Variants in CCR3 observed in about 807,000 individuals in gnomAD.
The protein encoded by CCR3 is C-C chemokine receptor type 3.
For synonymous variants in CCR3, 203 were observed against 179.2 expected (o/e 1.13, Z -1.06); for missense variants, 419 against 437.5 (o/e 0.96, Z 0.38).
At chr3:46,246,957 A>G (rs1448257038) in intron 1 of CCR3, among the ~76,000 whole-genome samples, 1 of 152,020 alleles carries the variant, frequency 6.6e-6, no homozygotes, top group Non-Finnish European at 1.5e-5. Flanking sequence ...TTTGTCGTAT[A>G]GAATGATTGG....
chr3:46,247,084 G>T lies in CCR3; in HGVS notation c.-12+4546G>T, dbSNP rs189385411. Among the ~76,000 whole-genome samples the T allele has an allele frequency of 1.8e-4, 28 of 152,250 alleles. 1 individual carries two copies. The Middle Eastern group carries it at 0.01, about 55-fold the overall frequency. On this transcript the variant is annotated intron_variant, in intron 1 of 1. Transcript: ENST00000395940. ...GACCTAGGACATCTGATTAGAGAGTGCCTAAGGAGATTCAGCATAGTCCTG... is the reference window on the plus strand; with the variant it reads ...GACCTAGGACATCTGATTAGAGAGTTCCTAAGGAGATTCAGCATAGTCCTG...
At chr3:46,216,237 T>C (rs554167908) in intron 2 of CCR3, among the ~76,000 whole-genome samples, 5 of 152,270 alleles carry the variant, frequency 3.3e-5, no homozygotes, top group Admixed American at 1.3e-4. Flanking sequence ...GCTGGAATGC[T>C]ATGCAACTTT....
chr3:46,257,066 T>C (rs1700441563), intron 1 of CCR3, among the ~76,000 whole-genome samples: 1 of 152,158 alleles, frequency 6.6e-6, no homozygotes, highest in East Asian at 1.9e-4. Context: ...TAAATGTCTT[T>C]ACACAGTTTA....
intron 2 of CCR3, among the ~76,000 whole-genome samples, chr3:46,218,814 A>G (rs540209278): frequency 9.2e-5 from 14 of 152,278 alleles, no homozygotes; most frequent in Non-Finnish European, 2.1e-4. Context: ...AAATCAGCAT[A>G]GAAGGGACAT....
chr3:46,229,358 T>A (rs901091058), intron 2 of CCR3, among the ~76,000 whole-genome samples: 6 of 152,254 alleles, frequency 3.9e-5, no homozygotes, highest in African/African-American at 1.4e-4. Flanking sequence ...CCTAAGTGTT[T>A]AAGTCCACTG....
At chr3:46,250,061 T>G in intron 1 of CCR3, among the ~76,000 whole-genome samples, 1 of 152,102 alleles carries the variant, frequency 6.6e-6, no homozygotes, top group Non-Finnish European at 1.5e-5. Context: ...GTCTCAGGGT[T>G]GCTGCCGAAT....
chr3:46,250,141 G>T (rs1033068713), intron 1 of CCR3, among the ~76,000 whole-genome samples: 1 of 152,044 alleles, frequency 6.6e-6, no homozygotes, highest in African/African-American at 2.4e-5. Context: ...TTGGGATAAA[G>T]AAAAAGGAGC....
At chr3:46,254,203 G>A (rs1378031044) in intron 1 of CCR3, among the ~76,000 whole-genome samples, 1 of 152,162 alleles carries the variant, frequency 6.6e-6, no homozygotes, top group African/African-American at 2.4e-5. Context: ...TTACAATTAT[G>A]TGTATAAGTA....
At chr3:46,264,177 C>A in intron 1 of CCR3, 1 of 501,946 alleles carries the variant, frequency 2.0e-6, no homozygotes, top group Non-Finnish European at 3.5e-6. Context: ...AGTGAGAAAT[C>A]CCATTGACTG....
rs1422131756 is a variant in CCR3, at chr3:46,265,144, A to G, written c.-11-4A>G. 4 of 1,562,664 alleles carry G rather than the reference A, an allele frequency of 2.6e-6. No individual in the cohort carries two copies. The highest frequency in any genetic ancestry group is 3.5e-6 in the Non-Finnish European group (4 of 1,140,758). On this transcript the variant is annotated splice_polypyrimidine_tract_variant and splice_region_variant and intron_variant, in intron 1 of 1. Coordinates refer to ENST00000395940, the MANE Select transcript of CCR3 (RefSeq NM_178329.3). Reference sequence around the variant, plus strand: ...GGGATTGTATTTTTCTTCTTCTATCACAGGGAGAAGTGAAATGACAACCTC... The same window carrying G: ...GGGATTGTATTTTTCTTCTTCTATCGCAGGGAGAAGTGAAATGACAACCTC...
upstream of CCR3, among the ~76,000 whole-genome samples, chr3:46,241,590 C>T (rs532928613): frequency 3.3e-5 from 5 of 152,266 alleles, no homozygotes; most frequent in South Asian, 6.2e-4. Context: ...GTTGGTTCCA[C>T]GGCAATGCTA....
chr3:46,225,499 T>C (rs1699884174), intron 2 of CCR3, among the ~76,000 whole-genome samples: 1 of 152,258 alleles, frequency 6.6e-6, no homozygotes, highest in Admixed American at 6.5e-5. Flanking sequence ...CATGCTCTTT[T>C]TCATAATGGC....
intron 2 of CCR3, among the ~76,000 whole-genome samples, chr3:46,236,420 T>A (rs1324161122): frequency 1.5e-4 from 23 of 152,176 alleles, no homozygotes. Context: ...ATCGACAGGC[T>A]CCCAGGACGG....
At chr3:46,212,179 T>A (rs1297618485) in intron 2 of CCR3, among the ~76,000 whole-genome samples, 13 of 152,186 alleles carry the variant, frequency 8.5e-5, no homozygotes, top group Non-Finnish European at 2.9e-5. Context: ...CCCAGGCACC[T>A]CAACTGCATG....
At chr3:46,244,152 C>T (rs936327245) in intron 1 of CCR3, among the ~76,000 whole-genome samples, 1 of 152,238 alleles carries the variant, frequency 6.6e-6, no homozygotes, top group East Asian at 1.9e-4. Flanking sequence ...TTAAAATGCA[C>T]ACAAATATGT....
upstream of CCR3, among the ~76,000 whole-genome samples, chr3:46,239,239 A>G (rs375864497): frequency 3.3e-5 from 5 of 152,224 alleles, no homozygotes; most frequent in African/African-American, 1.2e-4. Flanking sequence ...AATTTTTACA[A>G]TCTCTTGCGA....
intron 2 of CCR3, chr3:46,210,981 C>T (rs1699705036): frequency 1.3e-5 from 2 of 152,278 alleles, no homozygotes; most frequent in South Asian, 2.1e-4. Flanking sequence ...CTCCTAGGCC[C>T]ACCCCCAGAT....
intron 2 of CCR3, among the ~76,000 whole-genome samples, chr3:46,221,100 C>A (rs1414977261): frequency 6.6e-6 from 1 of 152,252 alleles, no homozygotes; most frequent in Non-Finnish European, 1.5e-5. Context: ...GACCCACCTT[C>A]GCCTTAGTGA....
chr3:46,256,949 G>T (rs1373747245), intron 1 of CCR3, among the ~76,000 whole-genome samples: 4 of 122,178 alleles, frequency 3.3e-5, no homozygotes. Context: ...CTTCACATTT[G>T]TGCACACACA....
Sources: allele counts gnomAD v4.1 joint callset (sites outside exome capture counted in the v4.1 genomes callset), GRCh38; gene constraint gnomAD v4.1.1; transcripts MANE v1.5; gene names NCBI Gene and HGNC (gene_info 2026-07-23, HGNC 2026-07-21).